PDE1A: variants seen among roughly 807,000 people sequenced by gnomAD.
PDE1A encodes the protein phosphodiesterase 1A, also known as dual specificity calcium/calmodulin-dependent 3',5'-cyclic nucleotide phosphodiesterase 1A.
A neutral mutation model predicts 61.7 loss-of-function variants in PDE1A; 35 were observed. That is an observed-to-expected ratio of 0.57 (90% CI 0.43 to 0.75). PDE1A has a LOEUF of 0.75. Among genes scored for constraint, PDE1A ranks in the 30% least tolerant of loss-of-function variants. The probability of loss-of-function intolerance (pLI) is 0.00; values close to 1 mark genes in which losing one functional copy is unlikely to be tolerated. For missense variants in PDE1A, 597 were observed against 630.6 expected (o/e 0.95, Z 0.57); for synonymous variants, 232 against 213.2 (o/e 1.09, Z -0.77).
At chr2:182,636,272 T>C in the PDE1A span, among the ~76,000 whole-genome samples, 3 of 152,144 alleles carry the variant, frequency 2.0e-5, no homozygotes, top group Non-Finnish European at 2.9e-5. Flanking sequence ...CTGTATTTTT[T>C]AGGCTTAAAG....
chr2:182,438,937 T>C lies in PDE1A; in HGVS notation c.101+83339A>G, dbSNP rs373620074. ...GGTATAGGGATATCAGTAAAAAGCA[T>C]GTTAGAGTAGTCTAGGTGAAAGATG... On this transcript the variant is annotated intron_variant, in intron 2 of 14. Coordinates refer to the PDE1A transcript ENST00000410103. 2.0e-4 allele frequency among the ~76,000 whole-genome samples: 31 copies of C among 152,104 alleles called. No homozygotes were observed. In the East Asian group the frequency reaches 5.8e-3, roughly 29 times the overall value.
At chr2:182,561,820 T>A in the PDE1A span, among the ~76,000 whole-genome samples, 1 of 152,170 alleles carries the variant, frequency 6.6e-6, no homozygotes, top group Admixed American at 6.5e-5. Context: ...TTGAAGCAAT[T>A]GTGAATGGGA....
At chr2:182,150,423 G>A (rs933668562) in intron 13 of PDE1A, among the ~76,000 whole-genome samples, 3 of 152,108 alleles carry the variant, frequency 2.0e-5, no homozygotes, top group Non-Finnish European at 2.9e-5. Flanking sequence ...GACCAGTAAC[G>A]TCACTTTTGA....
At chr2:182,480,047 AT>A (rs1485410898) in intron 2 of PDE1A, among the ~76,000 whole-genome samples, 1 of 151,944 alleles carries the variant, frequency 6.6e-6, no homozygotes. Flanking sequence ...ATTCAGCACC[AT>A]TATGGTGAAG....
intron 2 of PDE1A, among the ~76,000 whole-genome samples, chr2:182,456,495 TA>T (rs1169607550): frequency 6.6e-6 from 1 of 152,080 alleles, no homozygotes; most frequent in African/African-American, 2.4e-5. Flanking sequence ...AATGCCTAAA[TA>T]AAAGTAGTAC....
the PDE1A span, among the ~76,000 whole-genome samples, chr2:182,576,615 A>T: frequency 1.3e-5 from 2 of 152,280 alleles, no homozygotes; most frequent in South Asian, 2.1e-4. Flanking sequence ...TGGTACTTCT[A>T]ATTTTAATTT....
At chr2:182,169,898 ACACACACACACACACACACACACG>A (rs1223136045) in intron 13 of PDE1A, among the ~76,000 whole-genome samples, 3 of 113,576 alleles carry the variant, frequency 2.6e-5, no homozygotes, top group East Asian at 3.2e-4. Flanking sequence ...GGAGACACAC[ACACACACACACACACACACACACG>A]CACACACACA....
intron 1 of PDE1A, among the ~76,000 whole-genome samples, chr2:182,266,545 GTTGCCTTCCTT>G (rs1358824725): frequency 6.6e-6 from 1 of 152,066 alleles, no homozygotes; most frequent in Non-Finnish European, 1.5e-5. Flanking sequence ...ACTTCAAAGG[GTTGCCTTCCTT>G]TTCCCTGAAA....
intron 1 of PDE1A, among the ~76,000 whole-genome samples, chr2:182,301,120 T>C (rs1218212632): frequency 6.6e-6 from 1 of 152,156 alleles, no homozygotes; most frequent in Admixed American, 6.6e-5. Context: ...AGATGGTATA[T>C]GATATCTCCT....
exon 6 of PDE1A, chr2:182,230,048 G>A (rs774094213): frequency 3.7e-6 from 6 of 1,612,706 alleles, no homozygotes; most frequent in African/African-American, 1.3e-5. Flanking sequence ...CAGTTTGAGT[G>A]ACATCAGCTG....
chr2:182,446,364 G>A (rs1428353575), intron 2 of PDE1A, among the ~76,000 whole-genome samples: 1 of 152,064 alleles, frequency 6.6e-6, no homozygotes, highest in African/African-American at 2.4e-5. Flanking sequence ...CTTAGCCATT[G>A]ATATCATAAA....
intron 2 of PDE1A, among the ~76,000 whole-genome samples, chr2:182,259,944 G>A (rs1692106710): frequency 6.6e-6 from 1 of 152,142 alleles, no homozygotes; most frequent in Non-Finnish European, 1.5e-5. Context: ...TCTAGAGACA[G>A]TTCTGAACAC....
chr2:182,653,794 C>A, the PDE1A span, among the ~76,000 whole-genome samples: 16 of 152,198 alleles, frequency 1.1e-4, no homozygotes, highest in Admixed American at 3.9e-4. Context: ...GGCTCAGATA[C>A]GAGTCTTAAC....
At chr2:182,192,678 C>T (rs1394975120) in intron 10 of PDE1A, among the ~76,000 whole-genome samples, 3 of 152,118 alleles carry the variant, frequency 2.0e-5, no homozygotes, top group Non-Finnish European at 4.4e-5. Context: ...GGCCAAAATA[C>T]ACTTTTAAAA....
At chr2:182,185,917 C>G in exon 13 of PDE1A, 1 of 1,614,050 alleles carries the variant, frequency 6.2e-7, no homozygotes, top group Non-Finnish European at 8.5e-7. Flanking sequence ...CTTTCCACCT[C>G]TCTTTGTTCT....
At chr2:182,684,518 A>G in the PDE1A span, among the ~76,000 whole-genome samples, 1 of 152,226 alleles carries the variant, frequency 6.6e-6, no homozygotes, top group Non-Finnish European at 1.5e-5. Context: ...TTTCCTGAAG[A>G]AGAAAATTCT....
chr2:182,369,086 T>C lies in PDE1A; in HGVS notation c.53+57492A>G, dbSNP rs922046797. Among the ~76,000 whole-genome samples, 4 of 152,154 alleles carry C rather than the reference T, an allele frequency of 2.6e-5. No homozygotes were observed. The East Asian group carries it at 7.7e-4, about 29-fold the overall frequency. ...AGCAGGAACCATTGTATATATCACCTTAGATTACTTCCCCGTCTTTCTATC... is the reference window on the plus strand; with the variant it reads ...AGCAGGAACCATTGTATATATCACCCTAGATTACTTCCCCGTCTTTCTATC... On this transcript the variant is annotated intron_variant, in intron 1 of 13. Coordinates refer to ENST00000351439, the Ensembl canonical transcript of PDE1A.
At chr2:182,230,029 T>C (rs749124309) in exon 6 of PDE1A, 8 of 1,612,462 alleles carry the variant, frequency 5.0e-6, no homozygotes, top group East Asian at 2.2e-5. Context: ...TGAAGCATTA[T>C]GTAATGCACA....
chr2:182,245,042 C>A (rs759086028), intron 2 of PDE1A, among the ~76,000 whole-genome samples: 1 of 152,158 alleles, frequency 6.6e-6, no homozygotes, highest in Non-Finnish European at 1.5e-5. Flanking sequence ...ATGGGGGAAG[C>A]CTCCAAAGCC....
Sources: gnomAD v4.1 joint callset for allele counts (sites outside exome capture counted in the v4.1 genomes callset) on GRCh38, gnomAD v4.1.1 for gene constraint, MANE v1.5 for transcripts, NCBI Gene and HGNC (gene_info 2026-07-23, HGNC 2026-07-21) for gene names.